Variants in PEMT observed in about 807,000 individuals in gnomAD.
PEMT encodes phospholipid methyltransferase.
In PEMT, 23 loss-of-function variants were observed where a neutral mutation model predicts 27.4. The ratio of observed to expected loss-of-function variants is 0.84; its 90% CI spans 0.60 to 1.19. PEMT has a LOEUF of 1.19. Ranked by LOEUF, PEMT falls within the 50% of genes most tolerant of loss-of-function variation. PEMT has a pLI of 0.00. For synonymous variants in PEMT, 137 were observed against 139.1 expected (o/e 0.98, Z 0.11); for missense variants, 307 against 310.1 (o/e 0.99, Z 0.07).
At position 17,561,894 on chromosome 17, in the gene PEMT, C is replaced by T. The variant is rs562415948; in HGVS notation, c.204+15026G>A. ...AGTCCAGTCATAATATTGACACAGG[C>T]AGGGCACACAGCAGCCGGGAAGCTG... On this transcript the variant is annotated intron_variant, in intron 2 of 6. Transcript: ENST00000255389. This position sits in a 1 kb window ranked among gnomAD's most constrained non-coding sequence, Gnocchi z 4.5. Among the ~76,000 whole-genome samples the T allele has an allele frequency of 1.3e-5, 2 of 152,214 alleles. No individual in the cohort carries two copies. Among genetic ancestry groups the T allele is most frequent in the Non-Finnish European group, 2.9e-5 (2 of 68,022 alleles).
chr17:17,580,797 C>T (rs1245386135), intron 1 of PEMT, among the ~76,000 whole-genome samples: 1 of 152,172 alleles, frequency 6.6e-6, no homozygotes, highest in Non-Finnish European at 1.5e-5. Flanking sequence ...TATTCCGCCT[C>T]TTACACAACC....
At chr17:17,516,630 C>T (rs929111425) in intron 3 of PEMT, among the ~76,000 whole-genome samples, 6 of 152,206 alleles carry the variant, frequency 3.9e-5, no homozygotes, top group Non-Finnish European at 8.8e-5. Context: ...ACTCTCCTTC[C>T]AGACTTCCTG....
chr17:17,538,142 C>T (rs1026075546), intron 2 of PEMT, among the ~76,000 whole-genome samples: 5 of 152,232 alleles, frequency 3.3e-5, no homozygotes, highest in African/African-American at 9.7e-5. Flanking sequence ...GACCTGCAGG[C>T]CCCACGATGG....
At chr17:17,526,575 G>A (rs1907689198) in intron 2 of PEMT, among the ~76,000 whole-genome samples, 1 of 152,226 alleles carries the variant, frequency 6.6e-6, no homozygotes, top group African/African-American at 2.4e-5. Flanking sequence ...AGCAGGGACT[G>A]TGTCTGATTT....
chr17:17,516,585 C>T (rs1409955560), intron 3 of PEMT, among the ~76,000 whole-genome samples: 1 of 152,176 alleles, frequency 6.6e-6, no homozygotes. Flanking sequence ...AGTATCCCAG[C>T]ACCCCTAGCA....
intron 2 of PEMT, among the ~76,000 whole-genome samples, chr17:17,545,289 G>A (rs1294221026): frequency 6.6e-6 from 1 of 152,150 alleles, no homozygotes; most frequent in African/African-American, 2.4e-5. Flanking sequence ...CCGTCCTGGC[G>A]TCCCAGCCCA....
chr17:17,581,771 C>T (rs781672977), intron 1 of PEMT, among the ~76,000 whole-genome samples: 1 of 152,136 alleles, frequency 6.6e-6, no homozygotes, highest in Non-Finnish European at 1.5e-5. Context: ...GGTGTCCATC[C>T]GGTCACTTCA....
At chr17:17,590,339 G>A (rs995437298) in intron 1 of PEMT, among the ~76,000 whole-genome samples, 7 of 152,182 alleles carry the variant, frequency 4.6e-5, no homozygotes, top group African/African-American at 1.7e-4. Context: ...CCTCCTGGAG[G>A]GCTTCGCAAC....
intron 2 of PEMT, among the ~76,000 whole-genome samples, chr17:17,571,711 G>GTT (rs35067579): frequency 0.064 from 9,324 of 144,838 alleles, 395 homozygotes; most frequent in East Asian, 0.13. Context: ...TTTGTTTTGG[G>GTT]TTTTTTTTTT....
At chr17:17,578,592 T>C (rs567994691) in intron 1 of PEMT, 1 of 152,192 alleles carries the variant, frequency 6.6e-6, no homozygotes, top group African/African-American at 2.4e-5. Flanking sequence ...CAACTCAAAA[T>C]TTTTTAAAAA....
At chr17:17,579,865 G>A (rs1267071851) in intron 1 of PEMT, among the ~76,000 whole-genome samples, 1 of 152,254 alleles carries the variant, frequency 6.6e-6, no homozygotes, top group East Asian at 1.9e-4. Context: ...ATGGCGGGAA[G>A]AAGGAACCCA....
intron 2 of PEMT, among the ~76,000 whole-genome samples, chr17:17,547,673 T>G (rs1336760789): frequency 2.0e-5 from 3 of 151,838 alleles, no homozygotes; most frequent in African/African-American, 7.3e-5. Flanking sequence ...CTCCTCCTCC[T>G]CATCCTCCTC....
At chr17:17,548,682 G>A (rs1909428893) in intron 2 of PEMT, among the ~76,000 whole-genome samples, 1 of 152,150 alleles carries the variant, frequency 6.6e-6, no homozygotes, top group Admixed American at 6.5e-5. Flanking sequence ...CTGAGTAGCT[G>A]GGATTACAGG....
intron 2 of PEMT, among the ~76,000 whole-genome samples, chr17:17,549,273 T>G (rs984853067): frequency 5.3e-5 from 8 of 152,324 alleles, no homozygotes; most frequent in African/African-American, 1.7e-4. Context: ...CACTGCAACC[T>G]CCGCCTCCCG....
chr17:17,514,426 CAGAGA>C (rs1181728512), intron 3 of PEMT, among the ~76,000 whole-genome samples: 2 of 152,238 alleles, frequency 1.3e-5, no homozygotes. Flanking sequence ...TCCCCAAGAG[CAGAGA>C]AGGAGCCAGG....
chr17:17,583,306 G>T (rs576370836), intron 1 of PEMT, among the ~76,000 whole-genome samples: 1 of 152,216 alleles, frequency 6.6e-6, no homozygotes, highest in East Asian at 1.9e-4. Context: ...AACCCAGGAA[G>T]TGGAGATTGC....
rs2124345 is a variant in PEMT, at chr17:17,561,678, A to G, written c.204+15242T>C. On this transcript the variant is annotated intron_variant, in intron 2 of 6. Coordinates refer to ENST00000255389, the MANE Select transcript of PEMT (RefSeq NM_148172.3). The surrounding 1 kb of genome is among the most constrained non-coding windows in gnomAD (Gnocchi z 4.5). The stretch of plus-strand genomic sequence containing the variant: ...CTCGGAGAAGCCAGGAACCTTGCCC[A>G]GGTCCGTCTTGCTATCAAAGGCAGG... Among the ~76,000 whole-genome samples, 1,476 of 152,284 alleles carry G rather than the reference A, an allele frequency of 9.7e-3. 27 individuals are homozygous for G. Among genetic ancestry groups the G allele is most frequent in the African/African-American group, 0.033 (1,370 of 41,552 alleles).
intron 2 of PEMT, among the ~76,000 whole-genome samples, chr17:17,564,333 C>A (rs977229708): frequency 6.6e-6 from 1 of 151,594 alleles, no homozygotes; most frequent in Non-Finnish European, 1.5e-5. Flanking sequence ...TCCCCTCTGC[C>A]CCCAGTGGAA....
intron 1 of PEMT, among the ~76,000 whole-genome samples, chr17:17,585,280 G>T (rs993412863): frequency 2.6e-5 from 4 of 152,242 alleles, no homozygotes; most frequent in Non-Finnish European, 4.4e-5. Flanking sequence ...GGAGGTTGCA[G>T]TGAGCTGAGG....
Sources: gnomAD v4.1 joint callset for allele counts (sites outside exome capture counted in the v4.1 genomes callset) on GRCh38, gnomAD v4.1.1 for gene constraint, Gnocchi (gnomAD v3.1) non-coding constraint, MANE v1.5 for transcripts, NCBI Gene and HGNC (gene_info 2026-07-23, HGNC 2026-07-21) for gene names.